PPL: variants seen among roughly 807,000 people sequenced by gnomAD.
The protein encoded by PPL is 190 kDa paraneoplastic pemphigus antigen.
A neutral mutation model predicts 194.4 loss-of-function variants in PPL; 198 were observed. The observed-to-expected ratio is 1.02, with a 90% CI of 0.91 to 1.15. The LOEUF is 1.15. PPL is among the 50% of genes most tolerant of loss of function. The probability of loss-of-function intolerance (pLI) is 0.00; values close to 1 mark genes in which losing one functional copy is unlikely to be tolerated. For synonymous variants in PPL, 1,220 were observed against 972.4 expected, an observed-to-expected ratio of 1.25 and a Z score of -4.74; for missense variants, 2,885 against 2,294.8, an observed-to-expected ratio of 1.26 and a Z score of -5.25.
rs371249534 is a variant in PPL at position 4,883,358 on chromosome 16, G to A, written c.*26C>T. On this transcript the variant is annotated 3_prime_UTR_variant, in exon 22 of 22. Transcript: ENST00000345988. The surrounding 1 kb of genome is among the most constrained non-coding windows in gnomAD (Gnocchi z 4.8). The stretch of plus-strand genomic sequence containing the variant: ...TCGTAGGAGAGGGCCAGCGTCTGCC[G>A]TTACGAAGAGTTGCAAGAGCTGTGC... The A allele has an allele frequency of 7.1e-5, 114 of 1,612,312 alleles. No homozygotes were observed. In the African/African-American group the frequency reaches 1.2e-3, roughly 17 times the overall value.
chr16:4,897,319 G>C (rs2088449783), intron 9 of PPL, among the ~76,000 whole-genome samples: 1 of 135,048 alleles, frequency 7.4e-6, no homozygotes, highest in Admixed American at 7.4e-5. Flanking sequence ...TGGGTGACAG[G>C]GCAAGACTCT....
chr16:4,925,545 TACTC>T (rs1156927170), intron 1 of PPL, among the ~76,000 whole-genome samples: 3 of 152,194 alleles, frequency 2.0e-5, no homozygotes, highest in African/African-American at 4.8e-5. Flanking sequence ...AAAAAGAACT[TACTC>T]ACCTTTTTGG....
At chr16:4,898,978 C>A in intron 8 of PPL, 35 bp downstream of exon 8, 1 of 1,592,268 alleles carries the variant, frequency 6.3e-7, no homozygotes, top group South Asian at 1.1e-5. Flanking sequence ...CAGAAGCCAC[C>A]CTGGGGGAGG....
chr16:4,928,884 G>A (rs1447469157), intron 1 of PPL, among the ~76,000 whole-genome samples: 1 of 151,808 alleles, frequency 6.6e-6, no homozygotes, highest in Non-Finnish European at 1.5e-5. Flanking sequence ...GGTGGTGGGC[G>A]CCTGTAATCC....
chr16:4,899,610 G>A (rs1040533963), intron 6 of PPL, among the ~76,000 whole-genome samples: 1 of 151,300 alleles, frequency 6.6e-6, no homozygotes, highest in African/African-American at 2.4e-5. Context: ...TTCAGTAAAT[G>A]TTTACTGAGC....
At chr16:4,926,603 C>T (rs545726044) in intron 1 of PPL, among the ~76,000 whole-genome samples, 3 of 152,110 alleles carry the variant, frequency 2.0e-5, no homozygotes, top group Non-Finnish European at 4.4e-5. Context: ...TGGCTTGGCG[C>T]GGTGACTCAT....
chr16:4,899,440 C>A (rs1399535510), intron 6 of PPL, 56 bp from the exon 7 acceptor site: 2 of 1,187,928 alleles, frequency 1.7e-6, no homozygotes, highest in African/African-American at 5.4e-5. Context: ...CCACTGCTCG[C>A]TTCCTTCCCT....
Position 4,893,568 on chromosome 16 carries a change from C to CA in PPL, c.1464dup (p.Glu489Ter). 1 of 1,612,494 alleles carries CA rather than the reference C, an allele frequency of 6.2e-7. No individual in the cohort carries two copies. The highest frequency in any genetic ancestry group is 1.1e-5 in the South Asian group (1 of 90,978). On this transcript the variant is annotated frameshift_variant, in exon 13 of 22. Coordinates refer to ENST00000345988, the MANE Select transcript of PPL (RefSeq NM_002705.5). LOFTEE classifies it high-confidence loss of function. ...CCGGGATTCTCGGTCTTCAGCACCT[C>CA]ATACCGCTGCTGCAGCGTGCGTTTG...
intron 1 of PPL, among the ~76,000 whole-genome samples, chr16:4,917,079 C>T (rs1181816062): frequency 6.6e-6 from 1 of 151,980 alleles, no homozygotes; most frequent in Non-Finnish European, 1.5e-5. Context: ...TTGCAATGAG[C>T]TGAGATGGCG....
At chr16:4,933,322 C>G (rs990010787) in intron 1 of PPL, among the ~76,000 whole-genome samples, 2 of 152,162 alleles carry the variant, frequency 1.3e-5, no homozygotes, top group Non-Finnish European at 2.9e-5. Context: ...TGTTGCAAGA[C>G]CCGTCTAGGC....
chr16:4,882,666 A>AT lies in PPL; in HGVS notation c.*717dup, dbSNP rs2088119803. On this transcript the variant is annotated 3_prime_UTR_variant, in exon 22 of 22. Transcript: ENST00000345988. The stretch of plus-strand genomic sequence containing the variant: ...TGTATACCTAAATACCAGTGAGATA[A>AT]TAAGCGAGACTTGTAAAGCACTGAA... 6.6e-6 allele frequency: 1 copy of AT among 152,270 alleles called. No homozygotes were observed. Among genetic ancestry groups the AT allele is most frequent in the East Asian group, 1.9e-4 (1 of 5,198 alleles). The allele number at this position is 152,270 out of a possible 1,614,324, so 9.4% of individuals were successfully genotyped here.
chr16:4,903,877 G>A lies in PPL; in HGVS notation c.317+9C>T, dbSNP rs781657689. 1.2e-6 allele frequency: 2 copies of A among 1,613,692 alleles called. No homozygotes were observed. The highest frequency in any genetic ancestry group is 2.2e-5 in the East Asian group (1 of 44,878). Reference sequence around the variant, plus strand: ...GGCTCCCCTGGGGTAAGAAGCAGAAGGGACCTACTCCTCGGCGATCATGTC... The same window carrying A: ...GGCTCCCCTGGGGTAAGAAGCAGAAAGGACCTACTCCTCGGCGATCATGTC... On this transcript the variant is annotated intron_variant, in intron 3 of 21. Coordinates refer to ENST00000345988, the MANE Select transcript of PPL (RefSeq NM_002705.5).
chr16:4,933,303 C>T (rs1034817369), intron 1 of PPL, among the ~76,000 whole-genome samples: 4 of 152,160 alleles, frequency 2.6e-5, no homozygotes, highest in South Asian at 2.1e-4. Context: ...TCCATCAGGG[C>T]GGCCCCAGTG....
chr16:4,908,351 G>C (rs994372395), intron 2 of PPL, among the ~76,000 whole-genome samples: 1 of 151,668 alleles, frequency 6.6e-6, no homozygotes, highest in East Asian at 1.9e-4. Context: ...AAATAAAAAT[G>C]GTTCAAAATT....
Position 4,893,334 on chromosome 16 carries a change from C to G in PPL, c.1529G>C (p.Gly510Ala), listed in dbSNP as rs1421030157. 12 of 1,608,434 alleles carry G rather than the reference C, an allele frequency of 7.5e-6. No individual in the cohort carries two copies. The highest frequency in any genetic ancestry group is 3.3e-5 in the Admixed American group (2 of 59,986). ...SDLQGRQLLA[G>A]LDKVASDLDR... ...CAGGTCGCTGGCCACCTTGTCCAAG[C>G]CAGCCAGCAGCTGCCGCCCCTGTAG... is the stretch of plus-strand genomic sequence containing the variant. Residue 510 changes from glycine (G) to alanine (A), a missense_variant, in exon 14 of 22, where the codon GGC (glycine) becomes GCC (alanine). Physicochemically the swap from Gly to Ala is moderately conservative, Grantham distance 60. Coordinates refer to ENST00000345988, the MANE Select transcript of PPL (RefSeq NM_002705.5).
At position 4,884,922 on chromosome 16, in the gene PPL, C is replaced by T. The variant is rs1175879623; in HGVS notation, c.3733G>A (p.Glu1245Lys). 5.6e-6 allele frequency: 9 copies of T among 1,614,044 alleles called. No individual in the cohort carries two copies. Among genetic ancestry groups the T allele is most frequent in the Admixed American group, 3.3e-5 (2 of 60,006 alleles). ...TCCCTGAGCCGCTGAAGCTCCTTCT[C>T]CATCTCAGGGTCAGTCTTGTACTTA... ...VIKYKTDPEM[E>K]KELQRLREEI... The change falls in exon 22 of 22, where the codon GAG becomes AAG. Residue 1245 changes from glutamate (E) to lysine (K), a missense_variant. Transcript: ENST00000345988. This position sits in a 1 kb window ranked among gnomAD's most constrained non-coding sequence, Gnocchi z 5.7.
chr16:4,907,081 A>G (rs1288894279), intron 2 of PPL, among the ~76,000 whole-genome samples: 2 of 36,980 alleles, frequency 5.4e-5, no homozygotes, highest in Non-Finnish European at 1.4e-4. Context: ...CCTATCTCTA[A>G]AAAAAAAAAA....
At chr16:4,887,282 C>G (rs1049825431) in intron 20 of PPL, 55 bp from the exon 21 acceptor site, 4 of 1,298,454 alleles carry the variant, frequency 3.1e-6, no homozygotes, top group South Asian at 1.2e-5. Context: ...ACAGGGTAAG[C>G]AACAGAGAGC....
chr16:4,931,072 A>C (rs868240565), intron 1 of PPL, among the ~76,000 whole-genome samples: 1 of 152,142 alleles, frequency 6.6e-6, no homozygotes, highest in African/African-American at 2.4e-5. Context: ...GATCCATTTA[A>C]AGGGAAAGGG....
Sources: allele counts gnomAD v4.1 joint callset (sites outside exome capture counted in the v4.1 genomes callset), GRCh38; gene constraint gnomAD v4.1.1; non-coding constraint Gnocchi (gnomAD v3.1); transcripts MANE v1.5; gene names NCBI Gene and HGNC (gene_info 2026-07-23, HGNC 2026-07-21).